The following DOCK5 variants were observed in gnomAD, a reference collection of about 807,000 sequenced individuals.
DOCK5 encodes the protein dedicator of cytokinesis 5, also known as dedicator of cytokinesis protein 5.
A neutral mutation model predicts 251.8 loss-of-function variants in DOCK5; 142 were observed. That is an observed-to-expected ratio of 0.56 (90% CI 0.49 to 0.65). The LOEUF is 0.65. Among genes scored for constraint, DOCK5 ranks in the 30% least tolerant of loss-of-function variants. The pLI, the probability that DOCK5 is intolerant of heterozygous loss-of-function variation, is 0.00. For missense variants in DOCK5, 2,111 were observed against 2,312.3 expected, an observed-to-expected ratio of 0.91 and a Z score of 1.79; for synonymous variants, 842 against 835.5, an observed-to-expected ratio of 1.01 and a Z score of -0.13.
chr8:25,392,721 C>T, intron 43 of DOCK5, 75 bp from the exon 44 acceptor site: 1 of 1,313,656 alleles, frequency 7.6e-7, no homozygotes, highest in Admixed American at 2.0e-5. Flanking sequence ...GCTGTTTTCC[C>T]TGGGAATTGA....
At chr8:25,282,242 T>C (rs956976054) in intron 5 of DOCK5, among the ~76,000 whole-genome samples, 10 of 151,998 alleles carry the variant, frequency 6.6e-5, no homozygotes, top group African/African-American at 2.4e-4. Flanking sequence ...TTTTTTTTTT[T>C]CCTGTCCCTT....
intron 1 of DOCK5, among the ~76,000 whole-genome samples, chr8:25,231,410 C>T (rs972299885): frequency 6.6e-6 from 1 of 152,176 alleles, no homozygotes; most frequent in Non-Finnish European, 1.5e-5. Context: ...GCATAGTCTT[C>T]AGATTACTAC....
At chr8:25,289,710 C>T (rs921133910) in intron 5 of DOCK5, among the ~76,000 whole-genome samples, 1 of 151,788 alleles carries the variant, frequency 6.6e-6, no homozygotes, top group Non-Finnish European at 1.5e-5. Flanking sequence ...GGCGTGGTGG[C>T]GCATGCCTGT....
chr8:25,185,089 G>A (rs928023925), intron 1 of DOCK5, 138 bp downstream of exon 1: 3 of 1,045,014 alleles, frequency 2.9e-6, no homozygotes, highest in African/African-American at 3.3e-5. Context: ...TGGGAGCCGG[G>A]GACGGTAGGA....
At position 25,325,522 on chromosome 8, in the gene DOCK5, C is replaced by G; in HGVS notation, c.1878C>G (p.Ile626Met). Residue 626 changes from isoleucine to methionine, a missense_variant, in exon 18 of 52, where the codon ATC becomes ATG. Transcript: ENST00000276440. ...ACAGCTTTCAGATTGCCACCCTCAT[C>G]TGCTCCACAAAGCTCACCCAGAATG... ...TKDSFQIATLICSTKLTQNVD... is the reference protein window; with the variant it reads ...TKDSFQIATLMCSTKLTQNVD... 6.2e-7 allele frequency: 1 copy of G among 1,613,776 alleles called. No homozygotes were observed. Among genetic ancestry groups the G allele is most frequent in the Non-Finnish European group, 8.5e-7 (1 of 1,179,718 alleles).
intron 1 of DOCK5, among the ~76,000 whole-genome samples, chr8:25,242,466 T>G (rs1254575017): frequency 6.6e-6 from 1 of 152,252 alleles, no homozygotes; most frequent in East Asian, 1.9e-4. Flanking sequence ...TTCTCCACAT[T>G]CTTGCCATTT....
At chr8:25,205,673 A>G (rs752885419) in intron 1 of DOCK5, among the ~76,000 whole-genome samples, 3 of 152,022 alleles carry the variant, frequency 2.0e-5, no homozygotes, top group Non-Finnish European at 4.4e-5. Context: ...GCTGTTGCTG[A>G]TTCAGTTGTC....
At chr8:25,234,926 T>C (rs1802756725) in intron 1 of DOCK5, among the ~76,000 whole-genome samples, 2 of 152,198 alleles carry the variant, frequency 1.3e-5, no homozygotes, top group Non-Finnish European at 2.9e-5. Context: ...ACTGTTTTCA[T>C]TGACCGACTC....
At chr8:25,284,719 C>A (rs567533925) in intron 5 of DOCK5, among the ~76,000 whole-genome samples, 1 of 152,198 alleles carries the variant, frequency 6.6e-6, no homozygotes, top group Non-Finnish European at 1.5e-5. Context: ...CGGTCGGATT[C>A]GTGTAATGTC....
chr8:25,226,013 G>C (rs1802521088), intron 1 of DOCK5, among the ~76,000 whole-genome samples: 1 of 152,054 alleles, frequency 6.6e-6, no homozygotes. Flanking sequence ...CTGTACAATT[G>C]AAAATGCTTT....
At chr8:25,339,361 C>T (rs912181333) in intron 22 of DOCK5, among the ~76,000 whole-genome samples, 5 of 152,114 alleles carry the variant, frequency 3.3e-5, no homozygotes, top group African/African-American at 7.2e-5. Flanking sequence ...AAGTCACATA[C>T]GTAGAGTGCC....
intron 11 of DOCK5, among the ~76,000 whole-genome samples, chr8:25,307,911 T>G (rs984891665): frequency 2.0e-5 from 3 of 151,994 alleles, no homozygotes; most frequent in African/African-American, 4.8e-5. Context: ...AGTAGGAGAG[T>G]GTTGTATGTA....
intron 51 of DOCK5, 41 bp downstream of exon 51, chr8:25,410,243 A>G (rs1801598726): frequency 6.4e-7 from 1 of 1,562,952 alleles, no homozygotes; most frequent in Non-Finnish European, 8.8e-7. Flanking sequence ...AGGGAGCGCC[A>G]CTCCTGGGAA....
chr8:25,278,536 A>G lies in DOCK5; in HGVS notation c.225-33A>G, dbSNP rs1019021362. 8 of 1,605,138 alleles carry G rather than the reference A, an allele frequency of 5.0e-6. No homozygotes were observed. The East Asian group carries it at 6.7e-5, about 13-fold the overall frequency. ...CAAGTAAAGCAGTGCTGATCAGCCT[A>G]GAAGAAAGTGACCCTCGTTTGGTTC... On this transcript the variant is annotated intron_variant, in intron 4 of 51. Transcript: ENST00000276440.
In DOCK5 at chr8:25,260,892, C is replaced by T. The variant is rs1437586551; in HGVS notation, c.128-7953C>T. Among the ~76,000 whole-genome samples the T allele has an allele frequency of 3.3e-5, 5 of 151,790 alleles. No homozygotes were observed. In the South Asian group the frequency reaches 8.3e-4, roughly 25 times the overall value. On this transcript the variant is annotated intron_variant, in intron 2 of 51. Coordinates refer to ENST00000276440, the MANE Select transcript of DOCK5 (RefSeq NM_024940.8). ...CTGACTGCAGCCTCCAACTTCTGGG[C>T]TCAAGAGATCCTCTGACCTTGGCTT...
At chr8:25,365,589 C>A (rs1800761829) in intron 30 of DOCK5, among the ~76,000 whole-genome samples, 1 of 152,144 alleles carries the variant, frequency 6.6e-6, no homozygotes, top group Non-Finnish European at 1.5e-5. Flanking sequence ...GAAGTTTTCC[C>A]ATTGGTTACT....
chr8:25,237,645 G>A (rs1448864786), intron 1 of DOCK5, among the ~76,000 whole-genome samples: 1 of 152,184 alleles, frequency 6.6e-6, no homozygotes, highest in Non-Finnish European at 1.5e-5. Flanking sequence ...AGCTGCTTAG[G>A]GAAGAATTCC....
intron 1 of DOCK5, among the ~76,000 whole-genome samples, chr8:25,229,795 T>C (rs1277846485): frequency 3.3e-5 from 5 of 152,214 alleles, no homozygotes; most frequent in African/African-American, 9.6e-5. Context: ...CTTCATTGCA[T>C]AAAAGGTAAT....
chr8:25,317,704 G>A (rs749909578), intron 14 of DOCK5, among the ~76,000 whole-genome samples: 12 of 152,040 alleles, frequency 7.9e-5, no homozygotes, highest in African/African-American at 1.9e-4. Flanking sequence ...TCCGCCTCCC[G>A]GGTGCACCCC....
Sources: allele counts gnomAD v4.1 joint callset (sites outside exome capture counted in the v4.1 genomes callset), GRCh38; gene constraint gnomAD v4.1.1; transcripts MANE v1.5; gene names NCBI Gene and HGNC (gene_info 2026-07-23, HGNC 2026-07-21).